Variants in MAP3K14 observed in about 807,000 individuals in gnomAD.
MAP3K14 encodes NF-kappa-beta-inducing kinase.
MAP3K14 carries 16 observed loss-of-function variants against 99.2 expected under a neutral mutation model. The observed-to-expected ratio is 0.16, with a 90% CI of 0.11 to 0.24. MAP3K14 has a LOEUF of 0.24. Among genes scored for constraint, MAP3K14 ranks in the 10% least tolerant of loss-of-function variants. The pLI is 1.00. For synonymous variants in MAP3K14, 462 were observed against 492.4 expected, an observed-to-expected ratio of 0.94 and a Z score of 0.82; for missense variants, 784 against 1,208.7, an observed-to-expected ratio of 0.65 and a Z score of 5.21.
chr17:45,316,765 C>G (rs2044538179), intron 1 of MAP3K14, among the ~76,000 whole-genome samples, 195 bp downstream of exon 1: 2 of 151,654 alleles, frequency 1.3e-5, no homozygotes, highest in African/African-American at 4.8e-5. Context: ...ACCGGCAGCG[C>G]GTGCGAGGGC....
At chr17:45,300,714 C>T (rs559713836) in intron 1 of MAP3K14, among the ~76,000 whole-genome samples, 7 of 152,300 alleles carry the variant, frequency 4.6e-5, no homozygotes, top group East Asian at 3.9e-4. Flanking sequence ...CTGACACCCC[C>T]ACTCCCTTTT....
chr17:45,280,241 A>G (rs1456525301), intron 6 of MAP3K14, among the ~76,000 whole-genome samples: 4 of 152,144 alleles, frequency 2.6e-5, no homozygotes, highest in Admixed American at 2.6e-4. Flanking sequence ...GGATCTGGGA[A>G]ATGATATGAA....
chr17:45,290,198 G>T (rs976398526), intron 2 of MAP3K14, among the ~76,000 whole-genome samples: 2 of 152,224 alleles, frequency 1.3e-5, no homozygotes, highest in Non-Finnish European at 2.9e-5. Flanking sequence ...GGTCACAGCA[G>T]AAGGTTGATG....
chr17:45,314,597 T>C (rs987908290), intron 1 of MAP3K14, among the ~76,000 whole-genome samples: 8 of 152,166 alleles, frequency 5.3e-5, no homozygotes, highest in Non-Finnish European at 1.0e-4. Context: ...AGAATTTTAG[T>C]TGCATTTTAA....
At chr17:45,266,500 C>T in intron 14 of MAP3K14, 37 bp downstream of exon 14, 1 of 1,577,212 alleles carries the variant, frequency 6.3e-7, no homozygotes, top group Non-Finnish European at 8.7e-7. Context: ...GATCAGCTGC[C>T]ACGGGGACTG....
intron 9 of MAP3K14, among the ~76,000 whole-genome samples, chr17:45,271,691 T>A (rs572743565): frequency 1.3e-5 from 2 of 152,294 alleles, no homozygotes; most frequent in African/African-American, 4.8e-5. Flanking sequence ...CAAGTCAGAC[T>A]TGTAGGGAGG....
chr17:45,281,343 CTTTT>C (rs1205003546), intron 6 of MAP3K14, among the ~76,000 whole-genome samples: 2 of 137,200 alleles, frequency 1.5e-5, no homozygotes, highest in Admixed American at 7.3e-5. Flanking sequence ...CCTGATCTTT[CTTTT>C]TTTTTTTTTT....
chr17:45,274,244 C>T lies in MAP3K14; in HGVS notation c.1431G>A (p.Leu477=). 1.2e-6 allele frequency: 2 copies of T among 1,600,022 alleles called. 1 individual carries two copies. The highest frequency in any genetic ancestry group is 2.3e-5 in the South Asian group (2 of 88,690). The part of the protein sequence containing the change: ...IFMELLEGGS[L]GQLVKEQGCL... ...AGCCCTGCTCCTTGACCAGCTGGCCCAGGGAGCCACCTAGGAGACCAAAGG... is the reference window on the plus strand; with the variant it reads ...AGCCCTGCTCCTTGACCAGCTGGCCTAGGGAGCCACCTAGGAGACCAAAGG... Residue 477 remains leucine (L), a synonymous_variant, in exon 8 of 16, where the codon CTG becomes CTA. Coordinates refer to ENST00000344686, the MANE Select transcript of MAP3K14 (RefSeq NM_003954.5).
At chr17:45,279,210 A>G (rs2044201345) in intron 6 of MAP3K14, among the ~76,000 whole-genome samples, 1 of 151,884 alleles carries the variant, frequency 6.6e-6, no homozygotes, top group Non-Finnish European at 1.5e-5. Context: ...GCTCACCGCA[A>G]CCTCCGCCTC....
chr17:45,279,614 G>A (rs1347559769), intron 6 of MAP3K14, among the ~76,000 whole-genome samples: 3 of 151,510 alleles, frequency 2.0e-5, no homozygotes, highest in African/African-American at 7.3e-5. Context: ...TAGTAGATAC[G>A]GGGTTTCACT....
intron 6 of MAP3K14, among the ~76,000 whole-genome samples, chr17:45,282,718 A>G (rs1268312875): frequency 6.6e-6 from 1 of 152,106 alleles, no homozygotes; most frequent in Admixed American, 6.6e-5. Context: ...GATTCTCCCC[A>G]AGGAGCATCA....
rs2044147121 is a variant in MAP3K14, at chr17:45,272,236, G to C, written c.1658-1015C>G. Reference sequence around the variant, plus strand: ...AGCTACTCAGGAGGCTGAGGTGGGAGGATCGCTTGAACCAAGGAGCTTGAG... The same window carrying C: ...AGCTACTCAGGAGGCTGAGGTGGGACGATCGCTTGAACCAAGGAGCTTGAG... On this transcript the variant is annotated intron_variant, in intron 9 of 15. Coordinates refer to ENST00000344686, the MANE Select transcript of MAP3K14 (RefSeq NM_003954.5). The surrounding 1 kb of genome is among the most constrained non-coding windows in gnomAD (Gnocchi z 4.1). Among the ~76,000 whole-genome samples the C allele has an allele frequency of 6.6e-6, 1 of 152,138 alleles. No homozygotes were observed. The highest frequency in any genetic ancestry group is 1.5e-5 in the Non-Finnish European group (1 of 68,014).
chr17:45,274,310 C>T, intron 7 of MAP3K14, 56 bp from the exon 8 acceptor site: 1 of 1,580,076 alleles, frequency 6.3e-7, no homozygotes, highest in Non-Finnish European at 8.6e-7. Context: ...CCATGCCAGC[C>T]AAGGGCAAGA....
rs1042560797 is a variant in MAP3K14, at chr17:45,312,046, G to C, written c.-21+4914C>G. On this transcript the variant is annotated intron_variant, in intron 1 of 15. Transcript: ENST00000344686. ...CCTGCCTCCATAGCCCTGGGGCTGG[G>C]ATGAGGCTGATTTGTGGCAGAGGGC... Among the ~76,000 whole-genome samples, 4 of 152,232 alleles carry C rather than the reference G, an allele frequency of 2.6e-5. No homozygotes were observed. The East Asian group carries it at 7.7e-4, about 29-fold the overall frequency.
Position 45,314,362 on chromosome 17 carries a change from G to C in MAP3K14, c.-21+2598C>G, listed in dbSNP as rs2044512016. ...TCTTGCAGATGCTCAGCCCCATTCT[G>C]TTCCCTTACTAGGGAATCCTGGTGT... is the stretch of plus-strand genomic sequence containing the variant. On this transcript the variant is annotated intron_variant, in intron 1 of 15. Coordinates refer to ENST00000344686, the MANE Select transcript of MAP3K14 (RefSeq NM_003954.5). Among the ~76,000 whole-genome samples, 3 of 152,156 alleles carry C rather than the reference G, an allele frequency of 2.0e-5. No homozygotes were observed. The South Asian group carries it at 6.2e-4, about 31-fold the overall frequency.
intron 1 of MAP3K14, among the ~76,000 whole-genome samples, chr17:45,297,359 A>G (rs561152007): frequency 6.6e-6 from 1 of 152,358 alleles, no homozygotes; most frequent in East Asian, 1.9e-4. Flanking sequence ...AAGCAGACGA[A>G]GATCCCTTAC....
At chr17:45,279,043 T>C (rs1029998206) in intron 6 of MAP3K14, among the ~76,000 whole-genome samples, 10 of 152,212 alleles carry the variant, frequency 6.6e-5, no homozygotes, top group Admixed American at 4.6e-4. Flanking sequence ...TACTGCCTGA[T>C]ACAGAAGCCA....
Position 45,264,795 on chromosome 17 carries a change from TG to T in MAP3K14, c.2684del (p.Pro895GlnfsTer77). On this transcript the variant is annotated frameshift_variant, in exon 16 of 16. Coordinates refer to ENST00000344686, the MANE Select transcript of MAP3K14 (RefSeq NM_003954.5). LOFTEE classifies it high-confidence loss of function. ...TGGTGACCAAGCTGAAGGCTGCAGC[TG>T]GGATCTAAGGGTGGAGCAAACCAGT... ...DIATGISSQI[P>X]AAAFSLVTKD... 6.2e-7 allele frequency: 1 copy of T among 1,613,036 alleles called. No homozygotes were observed.
At chr17:45,291,658 T>A (rs907994791) in intron 1 of MAP3K14, among the ~76,000 whole-genome samples, 1 of 152,154 alleles carries the variant, frequency 6.6e-6, no homozygotes, top group Non-Finnish European at 1.5e-5. Flanking sequence ...CAGACTGGAA[T>A]TGGCAAAAAA....
Sources: allele counts gnomAD v4.1 joint callset (sites outside exome capture counted in the v4.1 genomes callset), GRCh38; gene constraint gnomAD v4.1.1; non-coding constraint Gnocchi (gnomAD v3.1); transcripts MANE v1.5; gene names NCBI Gene and HGNC (gene_info 2026-07-23, HGNC 2026-07-21).